WDHD1: variants seen among roughly 807,000 people sequenced by gnomAD.
WDHD1 encodes WD repeat and HMG-box DNA binding protein 1, also known as WD repeat and HMG-box DNA-binding protein 1.
WDHD1 carries 111 observed loss-of-function variants against 135.4 expected under a neutral mutation model. The observed-to-expected ratio is 0.82, with a 90% CI of 0.70 to 0.96. The LOEUF is 0.96. Ranked by LOEUF, WDHD1 falls within the 40% of genes least tolerant of loss-of-function variation. The pLI is 0.00. For synonymous variants in WDHD1, 434 were observed against 439.0 expected (o/e 0.99, Z 0.14); for missense variants, 1,351 against 1,336.3 (o/e 1.01, Z -0.17).
At chr14:54,958,430 C>G (rs1195443219) in intron 21 of WDHD1, among the ~76,000 whole-genome samples, 5 of 152,100 alleles carry the variant, frequency 3.3e-5, no homozygotes, top group African/African-American at 1.2e-4. Flanking sequence ...CCCGGTCATC[C>G]AGCCAAATTT....
chr14:54,957,058 C>T lies in WDHD1; in HGVS notation c.2892G>A (p.Leu964=), dbSNP rs1304572890. ...NNEKSPIIKP[L]IPKPKPKQAS... Reference sequence around the variant, plus strand: ...CCTGCTTAGGCTTCGGCTTTGGAATCAGAGGCTTTATAATGGGAGACTTTT... The same window carrying T: ...CCTGCTTAGGCTTCGGCTTTGGAATTAGAGGCTTTATAATGGGAGACTTTT... Residue 964 remains leucine (L), a synonymous_variant, in exon 23 of 26, where the codon CTG becomes CTA. Transcript: ENST00000360586. 8.1e-6 allele frequency: 13 copies of T among 1,613,802 alleles called. No individual in the cohort carries two copies. The African/African-American group carries it at 1.5e-4, about 18-fold the overall frequency.
chr14:55,024,429 C>T (rs2042398883), intron 2 of WDHD1, among the ~76,000 whole-genome samples: 1 of 152,200 alleles, frequency 6.6e-6, no homozygotes, highest in Admixed American at 6.5e-5. Flanking sequence ...GCCTCTTTCT[C>T]CATCCTTAAT....
In WDHD1 at chr14:54,996,374, G is replaced by A. The variant is rs187020111; in HGVS notation, c.943-561C>T. On this transcript the variant is annotated intron_variant, in intron 10 of 25. Transcript: ENST00000360586. ...TGTAATCTCAGCACTTTGGGAAGCC[G>A]AAGCAGGTGGATGCCTTGAGCTCAG... is the stretch of plus-strand genomic sequence containing the variant. Among the ~76,000 whole-genome samples the A allele has an allele frequency of 2.6e-3, 389 of 152,202 alleles. 3 individuals are homozygous for A. The highest frequency in any genetic ancestry group is 8.9e-3 in the African/African-American group (370 of 41,468).
intron 3 of WDHD1, among the ~76,000 whole-genome samples, chr14:55,012,548 T>A (rs1740580879): frequency 6.6e-6 from 1 of 152,218 alleles, no homozygotes; most frequent in African/African-American, 2.4e-5. Flanking sequence ...TTCCTTAAGT[T>A]ATCTGAATCA....
chr14:55,010,170 T>C (rs2042144001), intron 4 of WDHD1, 139 bp downstream of exon 4: 1 of 936,084 alleles, frequency 1.1e-6, no homozygotes, highest in South Asian at 2.9e-5. Context: ...CTCAAAAACC[T>C]TTACTAGATA....
In WDHD1 at chr14:54,955,656, T is replaced by A. The variant is rs534646785; in HGVS notation, c.2955A>T (p.Gln985His). The change falls in exon 24 of 26, where the codon CAA becomes CAT. Residue 985 changes from glutamine to histidine, a missense_variant. Gln to His is a conservative substitution (Grantham distance 24). Coordinates refer to ENST00000360586, the MANE Select transcript of WDHD1 (RefSeq NM_007086.4). ...CTTTCACTTCCTCAGTTTTATTAGT[T>A]TGAGAATTTCTTTTCTGGAAATAGG... Reference protein sequence around the residue: ...AASYFQKRNSQTNKTEEVKEE... With the variant: ...AASYFQKRNSHTNKTEEVKEE... The A allele has an allele frequency of 6.9e-6, 11 of 1,587,382 alleles. No homozygotes were observed. The Admixed American group carries it at 2.0e-4, about 29-fold the overall frequency.
intron 11 of WDHD1, among the ~76,000 whole-genome samples, chr14:54,994,776 A>G (rs899181838): frequency 6.6e-6 from 1 of 151,426 alleles, no homozygotes; most frequent in African/African-American, 2.4e-5. Flanking sequence ...AAAAAAAAAA[A>G]TCCGGTTGCA....
Position 54,942,059 on chromosome 14 carries a change from G to A in WDHD1, c.3190-369C>T, listed in dbSNP as rs536695565. ...GGGTCAGGAGACTGAGACCATCCTG[G>A]CTAACACAGTGAAACCCCGTCTCTA... is the stretch of plus-strand genomic sequence containing the variant. On this transcript the variant is annotated intron_variant, in intron 25 of 25. Transcript: ENST00000360586. Among the ~76,000 whole-genome samples, 6 of 152,014 alleles carry A rather than the reference G, an allele frequency of 3.9e-5. No individual in the cohort carries two copies. In the South Asian group the frequency reaches 1.2e-3, roughly 32 times the overall value.
At chr14:54,976,660 G>C (rs984849400) in intron 16 of WDHD1, among the ~76,000 whole-genome samples, 1 of 151,948 alleles carries the variant, frequency 6.6e-6, no homozygotes, top group African/African-American at 2.4e-5. Flanking sequence ...AAGCAAAACT[G>C]GTGTGAAAAG....
In WDHD1 at chr14:54,989,800, C is replaced by T. The variant is rs1390940661; in HGVS notation, c.1342-588G>A. On this transcript the variant is annotated intron_variant, in intron 12 of 25. Coordinates refer to ENST00000360586, the MANE Select transcript of WDHD1 (RefSeq NM_007086.4). ...TCAGCCTCCTGTGTAGCTGTGGTTA[C>T]AGGTGCATGCCACCAGGTCCAGCTA... Among the ~76,000 whole-genome samples the T allele has an allele frequency of 2.0e-5, 3 of 152,158 alleles. No homozygotes were observed. The East Asian group carries it at 5.8e-4, about 29-fold the overall frequency.
Position 54,991,274 on chromosome 14 carries a change from G to C in WDHD1, c.1280C>G (p.Thr427Ser), listed in dbSNP as rs771158260. 6.2e-7 allele frequency: 1 copy of C among 1,613,474 alleles called. No homozygotes were observed. Among genetic ancestry groups the C allele is most frequent in the Non-Finnish European group, 8.5e-7 (1 of 1,179,382 alleles). ...TGACTGAAATGGCTTTTGCCGGGGA[G>C]TTGGCATGGGTCCATCATAAAATGG... The part of the protein sequence containing the change: ...QRPFYDGPMP[T>S]PRQKPFQSGS... Residue 427 changes from threonine (T) to serine (S), a missense_variant, in exon 12 of 26, where the codon ACT becomes AGT. By Grantham distance (58) the Thr-to-Ser change is moderately conservative. Transcript: ENST00000360586.
At position 54,941,565 on chromosome 14, in the gene WDHD1, A is replaced by G. The variant is rs142283365; in HGVS notation, c.3315T>C (p.Asn1105=). 498 of 1,613,912 alleles carry G rather than the reference A, an allele frequency of 3.1e-4. 1 individual carries two copies. In the African/African-American group the frequency reaches 5.1e-3, roughly 17 times the overall value. The change falls in exon 26 of 26, where the codon AAT becomes AAC. Residue 1105 remains asparagine (N), a synonymous_variant. Coordinates refer to ENST00000360586, the MANE Select transcript of WDHD1 (RefSeq NM_007086.4). ...CTAAAGGTTTCTGCTTTTTAGACAA[A>G]TTCAGGTTCTCTTTTGCTTTTTCTT... The part of the protein sequence containing the change: ...NQEEKAKENL[N]LSKKQKPLDF...
In WDHD1 at chr14:54,941,460, C is replaced by A; in HGVS notation, c.*30G>T. On this transcript the variant is annotated 3_prime_UTR_variant, in exon 26 of 26. Transcript: ENST00000360586. ...TATTCAAAGATGAGTAAAAAAAAAT[C>A]CATTACTTCCCTAGGGTCACTTTCT... 1.3e-6 allele frequency: 2 copies of A among 1,565,230 alleles called. No individual in the cohort carries two copies. Among genetic ancestry groups the A allele is most frequent in the Non-Finnish European group, 1.7e-6 (2 of 1,159,306 alleles).
intron 24 of WDHD1, among the ~76,000 whole-genome samples, chr14:54,954,751 CAG>C (rs2041124249): frequency 6.6e-6 from 1 of 152,016 alleles, no homozygotes; most frequent in Non-Finnish European, 1.5e-5. Flanking sequence ...TTTTTTGAGA[CAG>C]AGTTTCGCTT....
At chr14:54,957,530 G>A in intron 22 of WDHD1, 62 bp downstream of exon 22, 1 of 1,392,684 alleles carries the variant, frequency 7.2e-7, no homozygotes, top group Non-Finnish European at 9.8e-7. Flanking sequence ...TCATCATTTG[G>A]AAATATTTCT....
At chr14:54,949,909 G>A (rs2041011908) in intron 24 of WDHD1, among the ~76,000 whole-genome samples, 2 of 152,092 alleles carry the variant, frequency 1.3e-5, no homozygotes, top group South Asian at 4.1e-4. Flanking sequence ...CATAAGTGAA[G>A]GAGAAATAAA....
chr14:54,957,477 C>G (rs918588482), intron 22 of WDHD1, 115 bp downstream of exon 22: 1 of 997,216 alleles, frequency 1.0e-6, no homozygotes, highest in Non-Finnish European at 1.5e-6. Context: ...TCTGTTTCCA[C>G]ACAGATCAGT....
Position 54,984,819 on chromosome 14 carries a change from G to C in WDHD1, c.1810C>G (p.Leu604Val), listed in dbSNP as rs769660474. Residue 604 changes from leucine (L) to valine (V), a missense_variant, in exon 15 of 26, where the codon CTA (leucine) becomes GTA (valine). Physicochemically the swap from Leu to Val is conservative, Grantham distance 32. Transcript: ENST00000360586. ...DGDQCLGVQLLELGKKKKQIL... is the reference protein window; with the variant it reads ...DGDQCLGVQLVELGKKKKQIL... ...TGTTTTTTCTTTTTCCCCAGCTCTAGCAGTTGAACTCCAAGGCACTGATCC... is the reference window on the plus strand; with the variant it reads ...TGTTTTTTCTTTTTCCCCAGCTCTACCAGTTGAACTCCAAGGCACTGATCC... 1.9e-6 allele frequency: 3 copies of C among 1,613,694 alleles called. No homozygotes were observed.
intron 24 of WDHD1, among the ~76,000 whole-genome samples, chr14:54,948,660 C>A (rs1262590207): frequency 3.9e-5 from 6 of 152,272 alleles, no homozygotes; most frequent in African/African-American, 1.4e-4. Flanking sequence ...AGTGGTTCTC[C>A]CAGCACAGAG....
Sources: gnomAD v4.1 joint callset for allele counts (sites outside exome capture counted in the v4.1 genomes callset) on GRCh38, gnomAD v4.1.1 for gene constraint, MANE v1.5 for transcripts, NCBI Gene and HGNC (gene_info 2026-07-23, HGNC 2026-07-21) for gene names.